Variants in ZCWPW1 observed in about 807,000 individuals in gnomAD.
ZCWPW1 encodes the protein zinc finger CW-type and PWWP domain containing 1, also known as zinc finger CW-type PWWP domain protein 1.
ZCWPW1 carries 56 observed loss-of-function variants against 81.3 expected under a neutral mutation model. The ratio of observed to expected loss-of-function variants is 0.69; its 90% CI spans 0.56 to 0.86. The LOEUF (loss-of-function observed/expected upper bound fraction) is 0.86. Ranked by LOEUF, ZCWPW1 falls within the 40% of genes least tolerant of loss-of-function variation. The probability of loss-of-function intolerance (pLI) is 0.00; values close to 1 mark genes in which losing one functional copy is unlikely to be tolerated. For synonymous variants in ZCWPW1, 250 were observed against 273.7 expected (o/e 0.91, Z 0.86); for missense variants, 650 against 769.8 (o/e 0.84, Z 1.84).
At chr7:100,426,659 C>A (rs1437310329) in intron 1 of ZCWPW1, among the ~76,000 whole-genome samples, 1 of 145,290 alleles carries the variant, frequency 6.9e-6, no homozygotes, top group East Asian at 2.1e-4. Flanking sequence ...CTCTCTCCCT[C>A]CTTTACTCCT....
chr7:100,419,918 C>A (rs749147010), intron 3 of ZCWPW1, 35 bp from the exon 4 acceptor site: 61 of 1,504,366 alleles, frequency 4.1e-5, no homozygotes, highest in Non-Finnish European at 5.3e-5. Flanking sequence ...ATTTATGAAA[C>A]ATACAGTCTA....
At chr7:100,411,648 TTGGA>T (rs1794192692) in intron 8 of ZCWPW1, among the ~76,000 whole-genome samples, 1 of 152,082 alleles carries the variant, frequency 6.6e-6, no homozygotes, top group Non-Finnish European at 1.5e-5. Flanking sequence ...AATAGTAGTT[TTGGA>T]TGTTTACAGA....
At chr7:100,414,110 G>A (rs939672006) in intron 8 of ZCWPW1, among the ~76,000 whole-genome samples, 6 of 152,110 alleles carry the variant, frequency 3.9e-5, no homozygotes, top group African/African-American at 1.4e-4. Context: ...CAGGCCACCT[G>A]GTTGTTCAAA....
intron 13 of ZCWPW1, 37 bp downstream of exon 13, chr7:100,404,976 A>G: frequency 6.3e-7 from 1 of 1,585,190 alleles, no homozygotes; most frequent in Non-Finnish European, 8.6e-7. Context: ...GTCCAAGAGT[A>G]GGGAAAGGAA....
At chr7:100,415,227 C>T (rs547550018) in intron 8 of ZCWPW1, among the ~76,000 whole-genome samples, 67 of 151,504 alleles carry the variant, frequency 4.4e-4, no homozygotes, top group Admixed American at 3.2e-3. Context: ...AGACTACAGG[C>T]GCATGCCACC....
chr7:100,424,024 C>T (rs1350260996), intron 2 of ZCWPW1, among the ~76,000 whole-genome samples: 8 of 148,802 alleles, frequency 5.4e-5, no homozygotes, highest in African/African-American at 1.5e-4. Context: ...GAGCCAAGAT[C>T]GCGCCATTGC....
chr7:100,423,892 AACCCCTTCTCT>A (rs1374380455), intron 2 of ZCWPW1, among the ~76,000 whole-genome samples: 1 of 152,076 alleles, frequency 6.6e-6, no homozygotes, highest in Admixed American at 6.6e-5. Flanking sequence ...AACGTGGCGA[AACCCCTTCTCT>A]ACTAAAAATA....
intron 8 of ZCWPW1, among the ~76,000 whole-genome samples, chr7:100,415,075 ATTTTT>A (rs1165297451): frequency 2.7e-5 from 2 of 74,212 alleles, no homozygotes; most frequent in South Asian, 5.5e-4. Flanking sequence ...CTCCGTACCC[ATTTTT>A]TTTTTTTTTT....
intron 5 of ZCWPW1, 36 bp from the exon 6 acceptor site, chr7:100,417,219 A>T (rs1432970202): frequency 6.4e-7 from 1 of 1,573,110 alleles, no homozygotes; most frequent in Non-Finnish European, 8.7e-7. Flanking sequence ...GAGAAGCAAA[A>T]AAACGAAAAA....
At position 100,428,268 on chromosome 7, in the gene ZCWPW1, A is replaced by ACGC. The variant is rs557689833; in HGVS notation, c.-137+297_-137+299dup. 1.6e-4 allele frequency among the ~76,000 whole-genome samples: 25 copies of ACGC among 151,916 alleles called. No individual in the cohort carries two copies. The South Asian group carries it at 4.6e-3, about 28-fold the overall frequency. On this transcript the variant is annotated intron_variant, in intron 1 of 17. Coordinates refer to ENST00000684423, the MANE Select transcript of ZCWPW1 (RefSeq NM_001386010.1). ...CCCGCCACCAAGAAAAGGCACGAGG[A>ACGC]CGCCCTGAGCACTAGCTCCACCCGA... is the stretch of plus-strand genomic sequence containing the variant.
At chr7:100,418,850 A>C (rs1206942020) in intron 5 of ZCWPW1, 1 of 249,436 alleles carries the variant, frequency 4.0e-6, no homozygotes, top group Non-Finnish European at 7.5e-6. Flanking sequence ...TAATGGCTTG[A>C]AAATTTAGTT....
intron 12 of ZCWPW1, 62 bp downstream of exon 12, chr7:100,406,632 G>T: frequency 6.8e-7 from 1 of 1,474,584 alleles, no homozygotes; most frequent in African/African-American, 1.4e-5. Flanking sequence ...GAGAAAATGA[G>T]GTTTAAGAAA....
chr7:100,423,542 T>C lies in ZCWPW1; in HGVS notation c.-30+1488A>G, dbSNP rs148642850. Among the ~76,000 whole-genome samples, 28 of 152,284 alleles carry C rather than the reference T, an allele frequency of 1.8e-4. No homozygotes were observed. The East Asian group carries it at 5.4e-3, about 29-fold the overall frequency. On this transcript the variant is annotated intron_variant, in intron 2 of 17. Transcript: ENST00000684423. ...GGCTAAATGTGAATACCCTTCAGCA[T>C]TTTTCTCTTCCTTTTCTCACTTCTA... is the stretch of plus-strand genomic sequence containing the variant.
Position 100,401,000 on chromosome 7 carries a change from C to T in ZCWPW1, c.*14G>A. ...CCAGAGAAGGGAGAAAAAGAGGGAGCAGAGGAGCACCAGCTACTTCCCAAA... is the reference window on the plus strand; with the variant it reads ...CCAGAGAAGGGAGAAAAAGAGGGAGTAGAGGAGCACCAGCTACTTCCCAAA... On this transcript the variant is annotated 3_prime_UTR_variant, in exon 18 of 18. Coordinates refer to ENST00000684423, the MANE Select transcript of ZCWPW1 (RefSeq NM_001386010.1). 1 of 1,592,080 alleles carries T rather than the reference C, an allele frequency of 6.3e-7. No individual in the cohort carries two copies. Among genetic ancestry groups the T allele is most frequent in the Non-Finnish European group, 8.6e-7 (1 of 1,167,962 alleles).
intron 1 of ZCWPW1, among the ~76,000 whole-genome samples, chr7:100,426,927 CCCTCCCCCTCCTCCCTCCCCTTT>C (rs1296356875): frequency 5.0e-5 from 1 of 20,058 alleles, no homozygotes; most frequent in Non-Finnish European, 1.0e-4. Context: ...CCTCCCTTCT[CCCTCCCCCTCCTCCCTCCCCTTT>C]CCTCCCCCTC....
rs1437684557 is a variant in ZCWPW1 at position 100,401,936 on chromosome 7, C to A, written c.1580G>T (p.Arg527Ile). 25 of 1,614,186 alleles carry A rather than the reference C, an allele frequency of 1.5e-5. No individual in the cohort carries two copies. The highest frequency in any genetic ancestry group is 2.1e-5 in the Non-Finnish European group (25 of 1,180,024). Residue 527 changes from arginine to isoleucine, a missense_variant, in exon 17 of 18, where the codon AGA becomes ATA. Arg to Ile is a moderately conservative substitution (Grantham distance 97). Transcript: ENST00000684423. ...GRKSTAPPAP[R>I]MGRKEGQGNS... Reference sequence around the variant, plus strand: ...CCCTTGGCCTTCTTTCCTTCCCATTCTGGGTGCAGGAGGAGCTGTGGATTT... The same window carrying A: ...CCCTTGGCCTTCTTTCCTTCCCATTATGGGTGCAGGAGGAGCTGTGGATTT...
chr7:100,426,706 C>T (rs1425707370), intron 1 of ZCWPW1, among the ~76,000 whole-genome samples: 1 of 141,726 alleles, frequency 7.1e-6, no homozygotes, highest in Non-Finnish European at 1.5e-5. Context: ...TTCTTCCCTC[C>T]TTCTGTCTCC....
Position 100,400,984 on chromosome 7 carries a change from G to A in ZCWPW1, c.*30C>T, listed in dbSNP as rs11769886. ...TTCTCCCTCCTGCGCCCCAGAGAAGGGAGAAAAAGAGGGAGCAGAGGAGCA... is the reference window on the plus strand; with the variant it reads ...TTCTCCCTCCTGCGCCCCAGAGAAGAGAGAAAAAGAGGGAGCAGAGGAGCA... On this transcript the variant is annotated 3_prime_UTR_variant, in exon 18 of 18. Transcript: ENST00000684423. The A allele has an allele frequency of 0.18, 274,832 of 1,564,408 alleles. 26,007 individuals carry two copies. The highest frequency in any genetic ancestry group is 0.2 in the Middle Eastern group (1,070 of 5,292).
chr7:100,402,455 C>T (rs1792116132), intron 16 of ZCWPW1, 61 bp downstream of exon 16: 1 of 1,580,732 alleles, frequency 6.3e-7, no homozygotes, highest in Admixed American at 1.7e-5. Context: ...TGCAGACTCC[C>T]TCTCTACCAC....
Sources: allele counts gnomAD v4.1 joint callset (sites outside exome capture counted in the v4.1 genomes callset), GRCh38; gene constraint gnomAD v4.1.1; transcripts MANE v1.5; gene names NCBI Gene and HGNC (gene_info 2026-07-23, HGNC 2026-07-21).